The following CELF2 variants were observed in gnomAD, a reference collection of about 807,000 sequenced individuals.
CELF2 encodes CUG triplet repeat RNA-binding protein 2.
Under a neutral mutation model 62.6 loss-of-function variants are expected in CELF2, and 8 were observed. The observed-to-expected ratio is 0.13, with a 90% CI of 0.07 to 0.23. The LOEUF (loss-of-function observed/expected upper bound fraction) is 0.23, where lower values mean the gene tolerates loss of function less well. CELF2 is among the 10% of genes least tolerant of loss of function. The pLI, the probability that CELF2 is intolerant of heterozygous loss-of-function variation, is 1.00. For synonymous variants in CELF2, 258 were observed against 250.0 expected (o/e 1.03, Z -0.30); for missense variants, 333 against 671.0 (o/e 0.50, Z 5.56).
the CELF2 span, among the ~76,000 whole-genome samples, chr10:10,539,376 A>ACAACTGTT: frequency 6.6e-6 from 1 of 151,944 alleles, no homozygotes. Context: ...ACTTTTGGGG[A>ACAACTGTT]TTGGCCTTTT....
chr10:10,947,394 A>T lies in CELF2; in HGVS notation c.89+27395A>T, dbSNP rs1391972089. 1 of 152,676 alleles carries T rather than the reference A, an allele frequency of 6.5e-6. No homozygotes were observed. Among genetic ancestry groups the T allele is most frequent in the Non-Finnish European group, 1.5e-5 (1 of 68,044 alleles). 9.5% of individuals were successfully genotyped at this position (152,676 alleles called of 1,614,324 possible). On this transcript the variant is annotated intron_variant, in intron 2 of 13. Transcript: ENST00000636488. This position sits in a 1 kb window ranked among gnomAD's most constrained non-coding sequence, Gnocchi z 4.1. ...TCCCTGTTCACCATTTGACACAAGA[A>T]ATGAACAGCTCTTTTGCCTTACAAG...
chr10:10,676,501 A>T, the CELF2 span, among the ~76,000 whole-genome samples: 2 of 152,220 alleles, frequency 1.3e-5, no homozygotes, highest in Non-Finnish European at 2.9e-5. Context: ...CAAAGCACCA[A>T]GAGATTTTTC....
chr10:11,165,690 G>A lies in CELF2; in HGVS notation c.271+8G>A. On this transcript the variant is annotated splice_region_variant and intron_variant, in intron 2 of 12. Coordinates refer to ENST00000633077, the MANE Select transcript of CELF2 (RefSeq NM_001326342.2). This position sits in a 1 kb window ranked among gnomAD's most constrained non-coding sequence, Gnocchi z 7.4. The stretch of plus-strand genomic sequence containing the variant: ...ACCCTCCGCAGAGTAAAGGTACAGA[G>A]CGCGGGGCGGGGGTCGCCAGGCGTC... The A allele has an allele frequency of 6.2e-7, 1 of 1,606,566 alleles. No homozygotes were observed.
At chr10:10,774,933 C>T in the CELF2 span, among the ~76,000 whole-genome samples, 238 of 151,366 alleles carry the variant, frequency 1.6e-3, no homozygotes, top group Non-Finnish European at 2.8e-3. Context: ...GGCTGGAGTG[C>T]AGTGGTGCAA....
chr10:10,561,918 C>T, the CELF2 span, among the ~76,000 whole-genome samples: 1 of 152,114 alleles, frequency 6.6e-6, no homozygotes, highest in African/African-American at 2.4e-5. Flanking sequence ...GTTCAGCCCC[C>T]CTGCTCTCAC....
At chr10:10,477,784 A>G in the CELF2 span, among the ~76,000 whole-genome samples, 3 of 151,916 alleles carry the variant, frequency 2.0e-5, no homozygotes, top group Admixed American at 2.0e-4. Flanking sequence ...AAAAAAAAAA[A>G]AGGTCATCAT....
intron 1 of CELF2, among the ~76,000 whole-genome samples, chr10:10,830,936 A>G (rs1228922613): frequency 6.6e-6 from 1 of 152,198 alleles, no homozygotes; most frequent in Non-Finnish European, 1.5e-5. Flanking sequence ...AATAGATGAC[A>G]CCATATCAAA....
chr10:11,075,802 C>T lies in CELF2; in HGVS notation c.74+57639C>T, dbSNP rs528817563. Among the ~76,000 whole-genome samples the T allele has an allele frequency of 3.3e-5, 5 of 149,942 alleles. No individual in the cohort carries two copies. The highest frequency in any genetic ancestry group is 2.1e-4 in the South Asian group (1 of 4,804). ...GGTGCTATGGAATGATGGTTGAAAACGTCGTAGGCAAGAAAAAAGCATCAG... is the reference window on the plus strand; with the variant it reads ...GGTGCTATGGAATGATGGTTGAAAATGTCGTAGGCAAGAAAAAAGCATCAG... On this transcript the variant is annotated intron_variant, in intron 1 of 12. Transcript: ENST00000633077. This position sits in a 1 kb window ranked among gnomAD's most constrained non-coding sequence, Gnocchi z 5.4.
intron 1 of CELF2, among the ~76,000 whole-genome samples, chr10:10,861,468 G>C (rs937289030): frequency 9.2e-5 from 14 of 152,106 alleles, no homozygotes; most frequent in African/African-American, 3.4e-4. Flanking sequence ...GGCAGCCTCA[G>C]ACAAATTAAT....
At chr10:10,666,382 T>C in the CELF2 span, among the ~76,000 whole-genome samples, 1 of 152,178 alleles carries the variant, frequency 6.6e-6, no homozygotes, top group East Asian at 1.9e-4. Flanking sequence ...CCACACACGC[T>C]CCTCCACCTC....
At chr10:11,003,667 G>A (rs2054748287), upstream of CELF2, among the ~76,000 whole-genome samples, 1 of 152,100 alleles carries the variant, frequency 6.6e-6, no homozygotes, top group Non-Finnish European at 1.5e-5. The surrounding 1 kb of genome is among the most constrained non-coding windows in gnomAD (Gnocchi z 4.4). Flanking sequence ...AAGTCACAAG[G>A]CGAATGGGCT....
At position 10,993,203 on chromosome 10, in the gene CELF2, A is replaced by T. The variant is rs2053612775; in HGVS notation, c.89+73204A>T. Among the ~76,000 whole-genome samples, 1 of 152,102 alleles carries T rather than the reference A, an allele frequency of 6.6e-6. No homozygotes were observed. The stretch of plus-strand genomic sequence containing the variant: ...CTGTTGCTTCCCTTCTGTCCTTCAG[A>T]TCTCCCAAGAATCTTGTGTCTCACC... On this transcript the variant is annotated intron_variant, in intron 2 of 13. Transcript: ENST00000636488. The surrounding 1 kb of genome is among the most constrained non-coding windows in gnomAD (Gnocchi z 5.3).
At chr10:10,597,667 G>A in the CELF2 span, among the ~76,000 whole-genome samples, 1 of 152,154 alleles carries the variant, frequency 6.6e-6, no homozygotes, top group African/African-American at 2.4e-5. Flanking sequence ...CCAAGTTAAT[G>A]GTAAGATTGG....
intron 1 of CELF2, among the ~76,000 whole-genome samples, chr10:10,830,825 C>G (rs1208141033): frequency 6.6e-6 from 1 of 152,142 alleles, no homozygotes; most frequent in African/African-American, 2.4e-5. Flanking sequence ...GGTTGCCTAG[C>G]TGCAAAACAC....
chr10:10,764,560 A>G, the CELF2 span, among the ~76,000 whole-genome samples: 4 of 152,338 alleles, frequency 2.6e-5, no homozygotes, highest in East Asian at 7.7e-4. Context: ...GGCCTAGAGG[A>G]TCACTGTGTC....
chr10:10,714,912 G>A, the CELF2 span, among the ~76,000 whole-genome samples: 4 of 151,942 alleles, frequency 2.6e-5, no homozygotes, highest in Admixed American at 6.6e-5. Context: ...GGAAATAGTT[G>A]TTATTACAAA....
the CELF2 span, among the ~76,000 whole-genome samples, chr10:10,630,626 A>AG: frequency 6.6e-6 from 1 of 152,332 alleles, no homozygotes; most frequent in South Asian, 2.1e-4. Flanking sequence ...TCATAAAATG[A>AG]GTGCATTTTG....
At chr10:10,725,381 G>A in the CELF2 span, among the ~76,000 whole-genome samples, 1 of 152,192 alleles carries the variant, frequency 6.6e-6, no homozygotes, top group Non-Finnish European at 1.5e-5. Flanking sequence ...AAATGTAGTA[G>A]CTATTAAATA....
At chr10:10,732,008 A>T in the CELF2 span, among the ~76,000 whole-genome samples, 1 of 152,128 alleles carries the variant, frequency 6.6e-6, no homozygotes, top group South Asian at 2.1e-4. Context: ...AGATACTAGC[A>T]GACCACCAGA....
Sources: allele counts gnomAD v4.1 joint callset (sites outside exome capture counted in the v4.1 genomes callset), GRCh38; gene constraint gnomAD v4.1.1; non-coding constraint Gnocchi (gnomAD v3.1); transcripts MANE v1.5; gene names NCBI Gene and HGNC (gene_info 2026-07-23, HGNC 2026-07-21).